Variants in EYS observed in about 807,000 individuals in gnomAD.
EYS encodes EGF-like photoreceptor maintenance factor, also known as protein eyes shut homolog.
In EYS, 250 loss-of-function variants were observed where a neutral mutation model predicts 282.1. The ratio of observed to expected loss-of-function variants is 0.89; its 90% CI spans 0.80 to 0.98. The LOEUF (loss-of-function observed/expected upper bound fraction) is 0.98. Among genes scored for constraint, EYS ranks in the 50% least tolerant of loss-of-function variants. The probability of loss-of-function intolerance (pLI) is 0.00; values close to 1 mark genes in which losing one functional copy is unlikely to be tolerated. For synonymous variants in EYS, 1,355 were observed against 1,282.9 expected (o/e 1.06, Z -1.20); for missense variants, 4,016 against 3,709.0 (o/e 1.08, Z -2.15).
chr6:64,459,126 A>G (rs374739659), intron 26 of EYS, among the ~76,000 whole-genome samples: 3 of 152,218 alleles, frequency 2.0e-5, no homozygotes, highest in African/African-American at 7.2e-5. Context: ...AAAATAATTT[A>G]TAAGTAACTA....
intron 36 of EYS, among the ~76,000 whole-genome samples, chr6:63,818,594 G>A (rs937208245): frequency 6.6e-6 from 1 of 152,072 alleles, no homozygotes; most frequent in African/African-American, 2.4e-5. Context: ...GTGTGGTAAG[G>A]TTTTTTAAGA....
At chr6:64,843,005 G>A (rs1765611160) in intron 19 of EYS, among the ~76,000 whole-genome samples, 1 of 152,080 alleles carries the variant, frequency 6.6e-6, no homozygotes, top group African/African-American at 2.4e-5. Context: ...CATGTCATAG[G>A]TCTCATGGCC....
chr6:65,586,906 A>AT (rs1268476914), intron 2 of EYS, among the ~76,000 whole-genome samples: 1 of 151,922 alleles, frequency 6.6e-6, no homozygotes, highest in East Asian at 1.9e-4. Flanking sequence ...TTTCAGTACG[A>AT]TTTTTTTTCT....
Position 64,193,656 on chromosome 6 carries a change from C to A in EYS, c.6424+36936G>T, listed in dbSNP as rs529711916. Among the ~76,000 whole-genome samples the A allele has an allele frequency of 5.9e-5, 9 of 152,242 alleles. No individual in the cohort carries two copies. In the South Asian group the frequency reaches 1.5e-3, roughly 25 times the overall value. ...CTAATGCTATCCCTCCTCCCTACCC[C>A]CACCCAATGACAGGCCCTGGTGTGT... On this transcript the variant is annotated intron_variant, in intron 31 of 42. Coordinates refer to ENST00000503581, the MANE Select transcript of EYS (RefSeq NM_001142800.2).
intron 39 of EYS, among the ~76,000 whole-genome samples, chr6:63,780,699 G>T (rs1354978513): frequency 6.6e-6 from 1 of 152,140 alleles, no homozygotes; most frequent in Non-Finnish European, 1.5e-5. Flanking sequence ...TCTGTAGGTT[G>T]CCTGTTCACT....
intron 11 of EYS, chr6:65,331,748 C>G: frequency 1.0e-6 from 1 of 979,924 alleles, no homozygotes; most frequent in South Asian, 4.7e-5. Flanking sequence ...TTGTTGAGCA[C>G]TATTCTATGT....
intron 22 of EYS, among the ~76,000 whole-genome samples, chr6:64,769,064 G>T (rs1371989901): frequency 6.6e-6 from 1 of 152,054 alleles, no homozygotes; most frequent in Non-Finnish European, 1.5e-5. Flanking sequence ...GACAAAAATA[G>T]ATCTAATTCT....
At chr6:65,366,515 G>C (rs549831402) in intron 8 of EYS, among the ~76,000 whole-genome samples, 1 of 151,748 alleles carries the variant, frequency 6.6e-6, no homozygotes, top group Non-Finnish European at 1.5e-5. Context: ...TTTTTAGAGA[G>C]GACCTATCAC....
chr6:65,080,712 T>C (rs1020114121), intron 12 of EYS, among the ~76,000 whole-genome samples: 3 of 152,228 alleles, frequency 2.0e-5, no homozygotes, highest in East Asian at 3.9e-4. Flanking sequence ...TCCAGCTGTT[T>C]GTTAATTTAA....
At chr6:64,654,685 AT>A (rs908485509) in intron 22 of EYS, among the ~76,000 whole-genome samples, 8 of 152,314 alleles carry the variant, frequency 5.3e-5, no homozygotes, top group African/African-American at 1.9e-4. Context: ...TAAATACATG[AT>A]TTCTTTTGAC....
intron 31 of EYS, among the ~76,000 whole-genome samples, chr6:64,197,943 T>A (rs1171173324): frequency 6.6e-6 from 1 of 151,576 alleles, no homozygotes; most frequent in Non-Finnish European, 1.5e-5. Context: ...TATTCAATTA[T>A]CCTCCATTAT....
chr6:64,634,127 G>T (rs1767887695), intron 22 of EYS, among the ~76,000 whole-genome samples: 1 of 152,144 alleles, frequency 6.6e-6, no homozygotes, highest in African/African-American at 2.4e-5. Flanking sequence ...GGGACTACAG[G>T]TGTGCGCCAC....
intron 26 of EYS, among the ~76,000 whole-genome samples, chr6:64,456,465 A>G (rs1775562514): frequency 6.6e-6 from 1 of 152,030 alleles, no homozygotes; most frequent in Admixed American, 6.6e-5. Context: ...TACCAATTAC[A>G]TATATGGGAT....
At chr6:63,804,535 T>C (rs1435489994) in intron 37 of EYS, among the ~76,000 whole-genome samples, 2 of 152,190 alleles carry the variant, frequency 1.3e-5, no homozygotes, top group African/African-American at 4.8e-5. Flanking sequence ...GATAGCTATT[T>C]CCTGTCAAGG....
intron 12 of EYS, among the ~76,000 whole-genome samples, chr6:65,106,392 G>C (rs376038870): frequency 6.6e-6 from 1 of 151,390 alleles, no homozygotes; most frequent in African/African-American, 2.4e-5. Flanking sequence ...CCTTTTTCAC[G>C]TAGTGCCCTT....
intron 12 of EYS, among the ~76,000 whole-genome samples, chr6:65,250,037 G>A (rs1767281946): frequency 6.6e-6 from 1 of 152,030 alleles, no homozygotes; most frequent in Non-Finnish European, 1.5e-5. Flanking sequence ...AAGAGGTCAA[G>A]TTTCAGAGAT....
intron 12 of EYS, among the ~76,000 whole-genome samples, chr6:65,086,625 A>G (rs1774384362): frequency 1.3e-5 from 2 of 152,304 alleles, no homozygotes; most frequent in South Asian, 2.1e-4. Flanking sequence ...TAGAAAGAGC[A>G]ATTAGATTAT....
intron 29 of EYS, among the ~76,000 whole-genome samples, chr6:64,316,310 AC>A (rs1273099430): frequency 6.6e-6 from 1 of 152,064 alleles, no homozygotes; most frequent in Non-Finnish European, 1.5e-5. Flanking sequence ...ATTGAGTATT[AC>A]CAAACCCCAT....
chr6:64,213,419 T>C (rs1336113817), intron 31 of EYS, among the ~76,000 whole-genome samples: 7 of 152,132 alleles, frequency 4.6e-5, no homozygotes, highest in South Asian at 2.1e-4. Context: ...TGAAAATGCA[T>C]AGTATTTCAA....
Sources: allele counts gnomAD v4.1 joint callset (sites outside exome capture counted in the v4.1 genomes callset), GRCh38; gene constraint gnomAD v4.1.1; transcripts MANE v1.5; gene names NCBI Gene and HGNC (gene_info 2026-07-23, HGNC 2026-07-21).